Variants in LGALS9 observed in about 807,000 individuals in gnomAD.
LGALS9 encodes the protein galectin-9.
A neutral mutation model predicts 35.9 loss-of-function variants in LGALS9; 26 were observed. The observed-to-expected ratio is 0.72, with a 90% CI of 0.53 to 1.01. The LOEUF (loss-of-function observed/expected upper bound fraction) is 1.01. Among genes scored for constraint, LGALS9 ranks in the 50% least tolerant of loss-of-function variants. LGALS9 has a pLI of 0.00. For synonymous variants in LGALS9, 149 were observed against 172.2 expected (o/e 0.87, Z 1.06); for missense variants, 347 against 445.8 (o/e 0.78, Z 1.99).
intron 9 of LGALS9, 70 bp downstream of exon 9, chr17:27,647,188 C>T (rs1905016726): frequency 6.2e-7 from 1 of 1,613,792 alleles, no homozygotes; most frequent in African/African-American, 1.3e-5. Flanking sequence ...ATTCCCCTGG[C>T]TTCAGGAAGG....
intron 7 of LGALS9, 106 bp from the exon 8 acceptor site, chr17:27,646,441 G>A: frequency 1.3e-6 from 2 of 1,548,468 alleles, no homozygotes; most frequent in South Asian, 2.2e-5. Context: ...AGGCTCACGA[G>A]GTCAGCCTCA....
intron 5 of LGALS9, chr17:27,643,982 C>G (rs1449630664): frequency 4.2e-5 from 9 of 214,482 alleles, no homozygotes; most frequent in Non-Finnish European, 2.8e-5. Flanking sequence ...CACCCTCTCC[C>G]TGCTTAAAAA....
In LGALS9 at chr17:27,640,655, T is replaced by C; in HGVS notation, c.215T>C (p.Val72Ala). 1.2e-6 allele frequency: 2 copies of C among 1,614,218 alleles called. No homozygotes were observed. The change falls in exon 3 of 11, where the codon GTG becomes GCG. Residue 72 changes from valine to alanine, a missense_variant. Transcript: ENST00000395473. ...FNPRFEDGGY[V>A]VCNTRQNGSW... ...CCTCGGTTTGAAGATGGAGGGTACG[T>C]GGTGTGCAACACGAGGCAGAACGGA...
chr17:27,649,398 C>T lies in LGALS9; in HGVS notation c.*416C>T, dbSNP rs1905153683. On this transcript the variant is annotated 3_prime_UTR_variant, in exon 11 of 11. Coordinates refer to ENST00000395473, the MANE Select transcript of LGALS9 (RefSeq NM_009587.3). ...CCCTCCTCTCTGACCTTTAACCTCA[C>T]TCTCACCTTGCACCGTGCACCAACC... is the stretch of plus-strand genomic sequence containing the variant. 1.0e-5 allele frequency: 3 copies of T among 298,290 alleles called. No individual in the cohort carries two copies. 18.5% of individuals were successfully genotyped at this position (298,290 alleles called of 1,614,324 possible).
intron 9 of LGALS9, 41 bp downstream of exon 9, chr17:27,647,159 C>T: frequency 6.2e-7 from 1 of 1,614,122 alleles, no homozygotes; most frequent in Non-Finnish European, 8.5e-7. Context: ...AGAGAGAGCC[C>T]TTCAAGGTCA....
Position 27,649,185 on chromosome 17 carries a change from C to T in LGALS9, c.*203C>T, listed in dbSNP as rs1184153103. On this transcript the variant is annotated 3_prime_UTR_variant, in exon 11 of 11. Coordinates refer to ENST00000395473, the MANE Select transcript of LGALS9 (RefSeq NM_009587.3). The stretch of plus-strand genomic sequence containing the variant: ...GCTGACGGGGATTGCCTTCCTCAGC[C>T]GCAGCAGCACCTGGGGCTCCAGCTG... 114 of 765,720 alleles carry T rather than the reference C, an allele frequency of 1.5e-4. No homozygotes were observed. The highest frequency in any genetic ancestry group is 3.2e-5 in the Non-Finnish European group (15 of 476,040). 47.4% of individuals were successfully genotyped at this position (765,720 alleles called of 1,614,324 possible).
chr17:27,636,036 C>A (rs1016905185), intron 1 of LGALS9, among the ~76,000 whole-genome samples: 3 of 152,180 alleles, frequency 2.0e-5, no homozygotes, highest in African/African-American at 7.2e-5. Context: ...TGAGGGGCAA[C>A]AAAAGACACC....
intron 10 of LGALS9, among the ~76,000 whole-genome samples, 159 bp downstream of exon 10, chr17:27,647,591 C>T (rs16966434): frequency 0.042 from 5,721 of 134,740 alleles, 167 homozygotes; most frequent in African/African-American, 0.071. Flanking sequence ...ATTATTATTA[C>T]TGTCCCGCAT....
intron 7 of LGALS9, among the ~76,000 whole-genome samples, chr17:27,646,193 C>G (rs1039088635): frequency 2.0e-5 from 3 of 152,032 alleles, no homozygotes; most frequent in African/African-American, 7.2e-5. Context: ...TACAGTGGCC[C>G]CAGCACCCGG....
chr17:27,648,365 T>C (rs1435000767), intron 10 of LGALS9, among the ~76,000 whole-genome samples: 2 of 152,144 alleles, frequency 1.3e-5, no homozygotes, highest in African/African-American at 4.8e-5. Context: ...TTTCCTAGAG[T>C]TGTAAGAATG....
At chr17:27,643,309 G>C (rs538524818) in intron 4 of LGALS9, among the ~76,000 whole-genome samples, 1 of 152,230 alleles carries the variant, frequency 6.6e-6, no homozygotes, top group South Asian at 2.1e-4. Context: ...TCTCCCCTGC[G>C]GGTGGTAGGG....
In LGALS9 at chr17:27,648,945, TG is replaced by T. The variant is rs775745717; in HGVS notation, c.1037del (p.Gly346AlafsTer5). The T allele has an allele frequency of 6.2e-7, 1 of 1,613,714 alleles. No homozygotes were observed. ...CTGCCCACCATCAACAGACTGGAAGTGGGGGGCGACATCCAGCTGACCCATG... is the reference window on the plus strand; with the variant it reads ...CTGCCCACCATCAACAGACTGGAAGTGGGGGCGACATCCAGCTGACCCATG... Reference protein sequence around the residue: ...RNLPTINRLEVGGDIQLTHVQ... With the variant: ...RNLPTINRLEXGGDIQLTHVQ... On this transcript the variant is annotated frameshift_variant, in exon 11 of 11. Coordinates refer to ENST00000395473, the MANE Select transcript of LGALS9 (RefSeq NM_009587.3). LOFTEE classifies it high-confidence loss of function.
intron 7 of LGALS9, among the ~76,000 whole-genome samples, chr17:27,646,339 G>GA (rs1419163404): frequency 6.6e-6 from 1 of 152,156 alleles, no homozygotes; most frequent in African/African-American, 2.4e-5. Flanking sequence ...GGGTTGAGGG[G>GA]CAGGTGACCG....
At chr17:27,637,233 G>T (rs546008828) in intron 1 of LGALS9, among the ~76,000 whole-genome samples, 2 of 152,202 alleles carry the variant, frequency 1.3e-5, no homozygotes, top group African/African-American at 4.8e-5. Context: ...AGATGAAGGT[G>T]GGGGGTGGGT....
At chr17:27,643,761 C>A in intron 5 of LGALS9, 141 bp downstream of exon 5, 1 of 1,361,520 alleles carries the variant, frequency 7.3e-7, no homozygotes. Context: ...TCTCTGTCCG[C>A]TGGGCACCCA....
At chr17:27,648,710 A>T in intron 10 of LGALS9, 126 bp from the exon 11 acceptor site, 1 of 1,485,820 alleles carries the variant, frequency 6.7e-7, no homozygotes, top group Non-Finnish European at 9.2e-7. Flanking sequence ...CAGTGGGGAT[A>T]GAGTGCAGGT....
intron 1 of LGALS9, among the ~76,000 whole-genome samples, chr17:27,634,600 A>C (rs187039348): frequency 2.5e-3 from 378 of 152,062 alleles, no homozygotes; most frequent in Non-Finnish European, 4.0e-3. Flanking sequence ...CCCCCCAAAA[A>C]CGCAAACCAG....
intron 1 of LGALS9, among the ~76,000 whole-genome samples, chr17:27,635,540 A>C (rs1434747514): frequency 6.6e-6 from 1 of 152,156 alleles, no homozygotes; most frequent in Non-Finnish European, 1.5e-5. Context: ...TTGAAACCTC[A>C]CAGAGCTTTT....
At chr17:27,634,878 T>C (rs1282969892) in intron 1 of LGALS9, among the ~76,000 whole-genome samples, 2 of 152,236 alleles carry the variant, frequency 1.3e-5, no homozygotes, top group African/African-American at 4.8e-5. Flanking sequence ...CTTCCAGATA[T>C]ATTTTATCTA....
Sources: gnomAD v4.1 joint callset for allele counts (sites outside exome capture counted in the v4.1 genomes callset) on GRCh38, gnomAD v4.1.1 for gene constraint, MANE v1.5 for transcripts, NCBI Gene and HGNC (gene_info 2026-07-23, HGNC 2026-07-21) for gene names.